Variants in C2orf80 observed in about 807,000 individuals in gnomAD.
C2orf80 encodes the protein uncharacterized protein C2orf80.
A neutral mutation model predicts 30.2 loss-of-function variants in C2orf80; 28 were observed. The observed-to-expected ratio is 0.93, with a 90% CI of 0.69 to 1.27. The LOEUF (loss-of-function observed/expected upper bound fraction) is 1.27, where lower values mean the gene tolerates loss of function less well. Ranked by LOEUF, C2orf80 falls within the 50% of genes most tolerant of loss-of-function variation. C2orf80 has a pLI of 0.00. For synonymous variants in C2orf80, 80 were observed against 76.4 expected, an observed-to-expected ratio of 1.05 and a Z score of -0.24; for missense variants, 220 against 231.0, an observed-to-expected ratio of 0.95 and a Z score of 0.31.
intron 4 of C2orf80, among the ~76,000 whole-genome samples, chr2:208,182,190 A>G (rs1696581766): frequency 6.6e-6 from 1 of 152,180 alleles, no homozygotes; most frequent in Non-Finnish European, 1.5e-5. Flanking sequence ...CAATTGAGTG[A>G]GTCTGCCTGA....
intron 6 of C2orf80, among the ~76,000 whole-genome samples, chr2:208,175,531 G>A (rs1696260254): frequency 6.6e-6 from 1 of 152,076 alleles, no homozygotes; most frequent in Admixed American, 6.6e-5. Context: ...ACATAATCCC[G>A]GAGAAAGCCA....
At chr2:208,179,533 G>A (rs1696482076) in intron 6 of C2orf80, among the ~76,000 whole-genome samples, 1 of 152,146 alleles carries the variant, frequency 6.6e-6, no homozygotes, top group Admixed American at 6.5e-5. Context: ...CCACTGCATG[G>A]CCCTCGCCAC....
chr2:208,167,409 C>T lies in C2orf80; in HGVS notation c.574-1594G>A, dbSNP rs543320099. On this transcript the variant is annotated intron_variant, in intron 8 of 8. Coordinates refer to ENST00000341287, the MANE Select transcript of C2orf80 (RefSeq NM_001099334.3). Reference sequence around the variant, plus strand: ...TGGTGGTGCACACCTGTAATCCCAGCTACTCAGGAGACTGAGACAGGAGAA... The same window carrying T: ...TGGTGGTGCACACCTGTAATCCCAGTTACTCAGGAGACTGAGACAGGAGAA... Among the ~76,000 whole-genome samples, 152 of 151,728 alleles carry T rather than the reference C, an allele frequency of 1.0e-3. 1 individual carries two copies. The highest frequency in any genetic ancestry group is 3.5e-3 in the African/African-American group (144 of 41,440).
chr2:208,183,396 A>G (rs1696622099), intron 3 of C2orf80, among the ~76,000 whole-genome samples: 1 of 152,160 alleles, frequency 6.6e-6, no homozygotes. Context: ...GGTATTGCCA[A>G]CAACTCACGG....
intron 2 of C2orf80, among the ~76,000 whole-genome samples, chr2:208,185,428 T>TA (rs1422701974): frequency 3.3e-5 from 5 of 152,348 alleles, no homozygotes; most frequent in African/African-American, 1.2e-4. Context: ...TCCAGATATA[T>TA]AAAATTCTGT....
At position 208,176,972 on chromosome 2, in the gene C2orf80, T is replaced by TATGTATACAG. The variant is rs1696357963; in HGVS notation, c.366+3772_366+3773insCTGTATACAT. ...ACATATCTGTATACATATGTATACA[T>TATGTATACAG]ATATACAGAAATGTATATGTATACA... On this transcript the variant is annotated intron_variant, in intron 6 of 8. Coordinates refer to ENST00000341287, the MANE Select transcript of C2orf80 (RefSeq NM_001099334.3). Among the ~76,000 whole-genome samples the TATGTATACAG allele has an allele frequency of 1.2e-3, 57 of 48,510 alleles. 4 individuals carry two copies. The highest frequency in any genetic ancestry group is 1.9e-3 in the Non-Finnish European group (48 of 24,936). 31.8% of individuals were successfully genotyped at this position (48,510 alleles called of 152,430 possible). A position where few individuals can be genotyped will look rare whatever the true frequency, so the allele number is the denominator to read the frequency against.
chr2:208,184,928 C>T lies in C2orf80; in HGVS notation c.123+23G>A, dbSNP rs188773567. On this transcript the variant is annotated intron_variant, in intron 3 of 8. Coordinates refer to ENST00000341287, the MANE Select transcript of C2orf80 (RefSeq NM_001099334.3). ...ATACACATATAACACAAATATGACT[C>T]GCATCAGCGTGCCTTTCTTTACCAT... 572 of 1,579,460 alleles carry T rather than the reference C, an allele frequency of 3.6e-4. 5 individuals are homozygous for T. Among genetic ancestry groups the T allele is most frequent in the Middle Eastern group, 1.7e-4 (1 of 5,972 alleles).
intron 3 of C2orf80, among the ~76,000 whole-genome samples, chr2:208,183,596 G>A (rs1020027619): frequency 2.1e-4 from 32 of 152,130 alleles, no homozygotes; most frequent in Admixed American, 3.3e-4. Flanking sequence ...GCCGTTTTAT[G>A]TCTACCTGGG....
chr2:208,187,814 A>T (rs970743882), intron 1 of C2orf80, among the ~76,000 whole-genome samples: 1 of 151,808 alleles, frequency 6.6e-6, no homozygotes, highest in African/African-American at 2.4e-5. Context: ...ATTATCATTT[A>T]AATCAGTGGA....
chr2:208,187,031 C>T lies in C2orf80; in HGVS notation c.-45G>A, dbSNP rs1339963460. The T allele has an allele frequency of 6.3e-7, 1 of 1,588,268 alleles. No homozygotes were observed. The highest frequency in any genetic ancestry group is 8.6e-7 in the Non-Finnish European group (1 of 1,156,712). On this transcript the variant is annotated 5_prime_UTR_variant, in exon 2 of 9. Coordinates refer to ENST00000341287, the MANE Select transcript of C2orf80 (RefSeq NM_001099334.3). ...GAGCAGGTATCTGCAGCTAACACTA[C>T]ACTTAGACCCAGCTTCTCTGAGTCT...
intron 6 of C2orf80, among the ~76,000 whole-genome samples, chr2:208,177,835 A>AT (rs1464894973): frequency 1.4e-5 from 2 of 141,966 alleles, no homozygotes; most frequent in Non-Finnish European, 3.0e-5. Context: ...TTTATTTTTT[A>AT]TTTTTTTTGA....
intron 8 of C2orf80, among the ~76,000 whole-genome samples, chr2:208,169,269 T>TGTGTGTGTGTGTGTGTG (rs1696014390): frequency 7.2e-6 from 1 of 137,968 alleles, no homozygotes; most frequent in Non-Finnish European, 1.6e-5. Context: ...AAAGTCTAGA[T>TGTGTGTGTGTGTGTGTG]TGTGTGTGTG....
intron 6 of C2orf80, among the ~76,000 whole-genome samples, chr2:208,176,844 T>C (rs1024495149): frequency 1.5e-5 from 2 of 135,348 alleles, no homozygotes; most frequent in Non-Finnish European, 3.3e-5. Flanking sequence ...GCCTCTCAGA[T>C]AATATATCTA....
At chr2:208,170,778 A>G (rs1401720274) in intron 8 of C2orf80, among the ~76,000 whole-genome samples, 167 bp downstream of exon 8, 1 of 152,218 alleles carries the variant, frequency 6.6e-6, no homozygotes, top group Non-Finnish European at 1.5e-5. Context: ...ACTAAGGCAC[A>G]GAGAGTTTAA....
At chr2:208,184,171 CG>C (rs1696645579) in intron 3 of C2orf80, among the ~76,000 whole-genome samples, 1 of 148,462 alleles carries the variant, frequency 6.7e-6, no homozygotes. Flanking sequence ...TCCTAGGCCG[CG>C]GGGGCGCCCC....
intron 3 of C2orf80, 80 bp downstream of exon 3, chr2:208,184,871 T>C: frequency 1.7e-6 from 2 of 1,149,736 alleles, no homozygotes; most frequent in Non-Finnish European, 2.6e-6. Context: ...CCTTGTTTAT[T>C]GTATAAATAA....
Position 208,172,042 on chromosome 2 carries a change from G to C in C2orf80, c.400C>G (p.His134Asp), listed in dbSNP as rs1004338692. 1 of 1,613,824 alleles carries C rather than the reference G, an allele frequency of 6.2e-7. No individual in the cohort carries two copies. Among genetic ancestry groups the C allele is most frequent in the African/African-American group, 1.3e-5 (1 of 74,904 alleles). ...PRVSSLCLSL[H>D]PFAMLTAPKA... ...GGTGCTGTTAACATGGCAAAGGGGT[G>C]CAAGGAGAGGCAGAGAGATGAAACT... Residue 134 changes from histidine to aspartate, a missense_variant, in exon 7 of 9, where the codon CAC becomes GAC. Coordinates refer to ENST00000341287, the MANE Select transcript of C2orf80 (RefSeq NM_001099334.3).
At chr2:208,180,587 C>CAT (rs562078463) in intron 6 of C2orf80, among the ~76,000 whole-genome samples, 158 bp downstream of exon 6, 142 of 152,238 alleles carry the variant, frequency 9.3e-4, no homozygotes, top group African/African-American at 3.3e-3. Flanking sequence ...ATTTCACACA[C>CAT]GTTATTCAAG....
intron 8 of C2orf80, among the ~76,000 whole-genome samples, chr2:208,166,074 A>G (rs1695877309): frequency 6.6e-6 from 1 of 152,238 alleles, no homozygotes; most frequent in Admixed American, 6.5e-5. Flanking sequence ...CTTAAAAAGA[A>G]CATTATTGGG....
Sources: gnomAD v4.1 joint callset for allele counts (sites outside exome capture counted in the v4.1 genomes callset) on GRCh38, gnomAD v4.1.1 for gene constraint, MANE v1.5 for transcripts, NCBI Gene and HGNC (gene_info 2026-07-23, HGNC 2026-07-21) for gene names.